The following STAT6 variants were observed in gnomAD, a reference collection of about 807,000 sequenced individuals.
STAT6 encodes signal transducer and activator of transcription 6.
In STAT6, 45 loss-of-function variants were observed where a neutral mutation model predicts 106.3. The observed-to-expected ratio is 0.42, with a 90% CI of 0.33 to 0.54. STAT6 has a LOEUF of 0.54. STAT6 is among the 20% of genes least tolerant of loss of function. STAT6 has a pLI of 0.06. For missense variants in STAT6, 797 were observed against 1,062.2 expected (o/e 0.75, Z 3.47); for synonymous variants, 413 against 413.6 (o/e 1.00, Z 0.02).
rs1401493239 is a variant in STAT6 at position 57,096,991 on chromosome 12, A to G, written c.2226-13T>C. On this transcript the variant is annotated splice_polypyrimidine_tract_variant and intron_variant, in intron 20 of 21. Coordinates refer to ENST00000300134, the MANE Select transcript of STAT6 (RefSeq NM_003153.5). ...CGGCAGCAGGCCCCTGCCAGGAACC[A>G]GCAATGGAAATAAGGAGAGCGGGGC... 6.2e-7 allele frequency: 1 copy of G among 1,612,420 alleles called. No homozygotes were observed. The highest frequency in any genetic ancestry group is 1.7e-5 in the Admixed American group (1 of 59,508).
chr12:57,099,185 G>T lies in STAT6; in HGVS notation c.1892-107C>A. ...GGGGAAGTAAGAGAAGCACAGCTAT[G>T]AAATAGGGAGTGACATCAGGATGAC... is the stretch of plus-strand genomic sequence containing the variant. On this transcript the variant is annotated intron_variant, in intron 16 of 21. Coordinates refer to ENST00000300134, the MANE Select transcript of STAT6 (RefSeq NM_003153.5). The surrounding 1 kb of genome is among the most constrained non-coding windows in gnomAD (Gnocchi z 4.7). The T allele has an allele frequency of 6.3e-7, 1 of 1,594,318 alleles. No homozygotes were observed. The highest frequency in any genetic ancestry group is 1.1e-5 in the South Asian group (1 of 90,542).
chr12:57,102,716 G>T, intron 12 of STAT6, 113 bp downstream of exon 12: 1 of 1,005,590 alleles, frequency 9.9e-7, no homozygotes, highest in Non-Finnish European at 1.5e-6. Flanking sequence ...ATGAGAAAGT[G>T]TTAAGGTCAC....
chr12:57,104,792 G>A lies in STAT6; in HGVS notation c.1023C>T (p.Ile341=), dbSNP rs1414312637. 1 of 1,614,158 alleles carries A rather than the reference G, an allele frequency of 6.2e-7. No individual in the cohort carries two copies. Among genetic ancestry groups the A allele is most frequent in the Admixed American group, 1.7e-5 (1 of 60,022 alleles). The change falls in exon 10 of 22, where the codon ATC becomes ATT. Residue 341 remains isoleucine, a synonymous_variant. Transcript: ENST00000300134. ...GAGAESTGEI[I]NNTVPLENSI... is the part of the protein sequence containing the mutation. ...TGTTCTCCAAGGGCACAGTGTTGTT[G>A]ATGATTTCTCCAGTGCTTTCTCTGC...
chr12:57,110,025 C>G (rs571541745), intron 1 of STAT6: 4 of 152,374 alleles, frequency 2.6e-5, no homozygotes, highest in Non-Finnish European at 4.4e-5. Context: ...GCCCCTCTTT[C>G]CTCCAGTGCC....
rs533111994 is a variant in STAT6, at chr12:57,102,490, C to T, written c.1312G>A (p.Val438Met). 4.0e-5 allele frequency: 65 copies of T among 1,613,470 alleles called. No individual in the cohort carries two copies. The highest frequency in any genetic ancestry group is 7.7e-5 in the South Asian group (7 of 91,032). ...WDNAFSEMDR[V>M]PFVVAERVPW... ...ACCCGCTCAGCCACCACAAAGGGCA[C>T]GCGGTCCTGGGGAGAAGGGGGAAGA... Residue 438 changes from valine to methionine, a missense_variant, in exon 13 of 22, where the codon GTG (valine) becomes ATG (methionine). By Grantham distance (21) the Val-to-Met change is conservative. Transcript: ENST00000300134.
chr12:57,105,988 G>C (rs537058625), intron 7 of STAT6: 6 of 832,758 alleles, frequency 7.2e-6, no homozygotes, highest in Non-Finnish European at 9.1e-6. Context: ...ATGAGTCCCC[G>C]CTTGTGCCCC....
chr12:57,096,570 G>A lies in STAT6; in HGVS notation c.*2C>T. 1 of 1,582,804 alleles carries A rather than the reference G, an allele frequency of 6.3e-7. No individual in the cohort carries two copies. Among genetic ancestry groups the A allele is most frequent in the Non-Finnish European group, 8.6e-7 (1 of 1,166,790 alleles). The stretch of plus-strand genomic sequence containing the variant: ...CTCTTTGGGTTCTCCCTCCAGCTGG[G>A]ATCACCAACTGGGGTTGGCCCTTAG... On this transcript the variant is annotated 3_prime_UTR_variant, in exon 22 of 22. Transcript: ENST00000300134.
intron 1 of STAT6, among the ~76,000 whole-genome samples, chr12:57,109,202 A>AAAAT (rs1214922278): frequency 2.9e-4 from 44 of 152,212 alleles, no homozygotes; most frequent in African/African-American, 1.0e-3. Flanking sequence ...ACTCTGCCTC[A>AAAAT]AAATAAATAA....
At chr12:57,107,170 C>T in intron 4 of STAT6, 61 bp downstream of exon 4, 1 of 1,542,426 alleles carries the variant, frequency 6.5e-7, no homozygotes, top group Non-Finnish European at 9.0e-7. Context: ...TCTAGTTTGT[C>T]ATGGCTCAGG....
intron 19 of STAT6, 174 bp from the exon 20 acceptor site, chr12:57,097,307 G>C (rs571012584): frequency 2.2e-6 from 1 of 459,206 alleles, no homozygotes; most frequent in Non-Finnish European, 3.7e-6. Flanking sequence ...TAAAATGTGC[G>C]TGTTATGGGG....
In STAT6 at chr12:57,107,306, A is replaced by G. The variant is rs374312626; in HGVS notation, c.264T>C (p.Tyr88=). The G allele has an allele frequency of 6.2e-7, 1 of 1,614,068 alleles. No individual in the cohort carries two copies. The highest frequency in any genetic ancestry group is 8.5e-7 in the Non-Finnish European group (1 of 1,179,954). ...CCACCAGCTTCAGGGGGTCCCTCTG[A>G]TATATGCTCTACAGAAATGAGGGTG... ...LQHISTLESI[Y]QRDPLKLVAT... Residue 88 remains tyrosine (Y), a synonymous_variant, in exon 4 of 22, where the codon TAT becomes TAC. Transcript: ENST00000300134.
In STAT6 at chr12:57,106,175, T is replaced by A. The variant is rs769938363; in HGVS notation, c.680+16A>T. The A allele has an allele frequency of 3.7e-6, 6 of 1,613,222 alleles. No homozygotes were observed. The South Asian group carries it at 4.4e-5, about 12-fold the overall frequency. The stretch of plus-strand genomic sequence containing the variant: ...CCCCCAGCTTGCCCCCTCTTCCCCA[T>A]CAGCCCTAGCCCAACCTCTCCTGGA... On this transcript the variant is annotated intron_variant, in intron 7 of 21. Coordinates refer to ENST00000300134, the MANE Select transcript of STAT6 (RefSeq NM_003153.5).
rs1416079230 is a variant in STAT6, at chr12:57,099,086, G to A, written c.1892-8C>T. ...CCTTACCCATCTGTTCAGCTGTTGT[G>A]AGAAGGAAAAGACAGCCATGGAGTG... is the stretch of plus-strand genomic sequence containing the variant. On this transcript the variant is annotated splice_region_variant and splice_polypyrimidine_tract_variant and intron_variant, in intron 16 of 21. Transcript: ENST00000300134. This position sits in a 1 kb window ranked among gnomAD's most constrained non-coding sequence, Gnocchi z 4.7. 9.3e-6 allele frequency: 15 copies of A among 1,614,000 alleles called. No homozygotes were observed. The highest frequency in any genetic ancestry group is 9.3e-6 in the Non-Finnish European group (11 of 1,180,034).
intron 7 of STAT6, 121 bp downstream of exon 7, chr12:57,106,070 T>G (rs2034255687): frequency 1.3e-6 from 2 of 1,501,336 alleles, no homozygotes; most frequent in East Asian, 4.5e-5. Flanking sequence ...CTGGCTTTTA[T>G]GCATCTTGGT....
chr12:57,108,099 C>A, intron 2 of STAT6, 64 bp downstream of exon 2: 1 of 1,085,854 alleles, frequency 9.2e-7, no homozygotes, highest in Non-Finnish European at 1.4e-6. Context: ...GGAGAAAAAT[C>A]TAAGGAGAAG....
In STAT6 at chr12:57,097,197, CA is replaced by C; in HGVS notation, c.2160-65del. 1.3e-5 allele frequency: 17 copies of C among 1,354,166 alleles called. No homozygotes were observed. In the South Asian group the frequency reaches 2.5e-4, roughly 20 times the overall value. 83.9% of individuals were successfully genotyped at this position (1,354,166 alleles called of 1,614,324 possible). On this transcript the variant is annotated intron_variant, in intron 19 of 21. Coordinates refer to ENST00000300134, the MANE Select transcript of STAT6 (RefSeq NM_003153.5). ...AGGCAAATGCAGAGTGGTGCAAAGT[CA>C]GGACCACTGAGTGAGGAAACAAGCT...
chr12:57,102,640 C>T (rs945559830), intron 12 of STAT6, 144 bp from the exon 13 acceptor site: 32 of 1,029,130 alleles, frequency 3.1e-5, no homozygotes, highest in African/African-American at 1.4e-4. Flanking sequence ...TTCTAGGTTA[C>T]AGTGCTGTGG....
chr12:57,106,853 C>T (rs1294395682), intron 4 of STAT6, 22 bp from the exon 5 acceptor site: 1 of 1,612,584 alleles, frequency 6.2e-7, no homozygotes, highest in African/African-American at 1.3e-5. Context: ...GGACAGATGC[C>T]AAGAAGTGAA....
chr12:57,096,664 A>G lies in STAT6; in HGVS notation c.2452T>C (p.Leu818=), dbSNP rs745982152. The stretch of plus-strand genomic sequence containing the variant: ...GGCTGCAGGAGGGGCTGTGCCCCCA[A>G]GGACCCTCCCCCCGACTCCCCTTGC... The part of the protein sequence containing the change: ...EGQGESGGGS[L]GAQPLLQPSH... The change falls in exon 22 of 22, where the codon TTG becomes CTG. Residue 818 remains leucine, a synonymous_variant. Transcript: ENST00000300134. 1.9e-6 allele frequency: 3 copies of G among 1,607,318 alleles called. No individual in the cohort carries two copies. Among genetic ancestry groups the G allele is most frequent in the Admixed American group, 3.5e-5 (2 of 57,174 alleles).
Sources: gnomAD v4.1 joint callset for allele counts (sites outside exome capture counted in the v4.1 genomes callset) on GRCh38, gnomAD v4.1.1 for gene constraint, Gnocchi (gnomAD v3.1) non-coding constraint, MANE v1.5 for transcripts, NCBI Gene and HGNC (gene_info 2026-07-23, HGNC 2026-07-21) for gene names.